The following NLGN1 variants were observed in gnomAD, a reference collection of about 807,000 sequenced individuals.
NLGN1 encodes neuroligin 1, also known as neuroligin-1.
NLGN1 carries 12 observed loss-of-function variants against 65.5 expected under a neutral mutation model. The ratio of observed to expected loss-of-function variants is 0.18; its 90% CI spans 0.12 to 0.30. The LOEUF is 0.30. Among genes scored for constraint, NLGN1 ranks in the 10% least tolerant of loss-of-function variants. The pLI is 1.00. For missense variants in NLGN1, 750 were observed against 1,007.1 expected (o/e 0.74, Z 3.46); for synonymous variants, 350 against 359.5 (o/e 0.97, Z 0.30).
In NLGN1 at chr3:173,889,766, T is replaced by C. The variant is rs151167790; in HGVS notation, c.646+81934T>C. ...GACTAGTTGTACCGGTTGAGAAAGC[T>C]GTTTAATTCAGATGCATCCAAAAAA... On this transcript the variant is annotated intron_variant, in intron 4 of 6. Coordinates refer to ENST00000457714, the Ensembl canonical transcript of NLGN1. Among the ~76,000 whole-genome samples, 46 of 150,422 alleles carry C rather than the reference T, an allele frequency of 3.1e-4. No homozygotes were observed. The East Asian group carries it at 8.7e-3, about 29-fold the overall frequency.
intron 4 of NLGN1, among the ~76,000 whole-genome samples, chr3:173,954,972 G>A (rs1461427828): frequency 6.6e-6 from 1 of 151,860 alleles, no homozygotes; most frequent in Non-Finnish European, 1.5e-5. Flanking sequence ...TTTCAGTCTA[G>A]GGCCAGGTAG....
chr3:174,099,083 T>G (rs551738328), intron 4 of NLGN1, among the ~76,000 whole-genome samples: 1 of 152,116 alleles, frequency 6.6e-6, no homozygotes, highest in Non-Finnish European at 1.5e-5. Flanking sequence ...TCTATTAAAA[T>G]CAAAACAGTC....
chr3:173,964,039 A>C (rs1463865587), intron 4 of NLGN1, among the ~76,000 whole-genome samples: 1 of 152,206 alleles, frequency 6.6e-6, no homozygotes, highest in African/African-American at 2.4e-5. Context: ...AAGTGAATGG[A>C]AAGTGTAAAA....
At chr3:173,710,035 T>G (rs2149937276) in intron 3 of NLGN1, among the ~76,000 whole-genome samples, 1 of 152,310 alleles carries the variant, frequency 6.6e-6, no homozygotes, top group South Asian at 2.1e-4. Flanking sequence ...TAATATTAGT[T>G]GTACTTTCAT....
intron 4 of NLGN1, among the ~76,000 whole-genome samples, chr3:174,110,540 A>T (rs1425586028): frequency 6.6e-6 from 1 of 152,000 alleles, no homozygotes; most frequent in Non-Finnish European, 1.5e-5. Flanking sequence ...ACATTGTAAA[A>T]ATTAATGAGT....
At chr3:173,421,212 ATAATCT>A (rs1211439059) in intron 1 of NLGN1, among the ~76,000 whole-genome samples, 2 of 152,088 alleles carry the variant, frequency 1.3e-5, no homozygotes, top group East Asian at 1.9e-4. Flanking sequence ...TTATTTTGAA[ATAATCT>A]TAAATGCCTA....
chr3:173,505,587 A>G (rs1394516600), intron 2 of NLGN1, among the ~76,000 whole-genome samples: 2 of 151,990 alleles, frequency 1.3e-5, no homozygotes, highest in Non-Finnish European at 2.9e-5. Context: ...GTTCCTTGGT[A>G]TACTTGGAAT....
At chr3:173,704,425 C>G (rs1767731982) in intron 3 of NLGN1, among the ~76,000 whole-genome samples, 1 of 151,938 alleles carries the variant, frequency 6.6e-6, no homozygotes, top group Non-Finnish European at 1.5e-5. Context: ...ATTATTGTTG[C>G]TCAGTGAGGT....
chr3:174,049,201 A>G (rs1026290998), intron 4 of NLGN1, among the ~76,000 whole-genome samples: 11 of 152,108 alleles, frequency 7.2e-5, no homozygotes, highest in Non-Finnish European at 1.2e-4. Flanking sequence ...GCTAGTAACT[A>G]TGTTGGTCAC....
chr3:173,802,875 T>A (rs1235214867), intron 3 of NLGN1, among the ~76,000 whole-genome samples: 1 of 152,044 alleles, frequency 6.6e-6, no homozygotes, highest in Non-Finnish European at 1.5e-5. Flanking sequence ...AATTTCCTTT[T>A]GTCATGGAGA....
intron 2 of NLGN1, among the ~76,000 whole-genome samples, chr3:173,449,538 T>G (rs1036226905): frequency 1.3e-5 from 2 of 152,218 alleles, no homozygotes; most frequent in African/African-American, 4.8e-5. Context: ...ATGTATATTC[T>G]GTTGATTTGG....
rs539791696 is a variant in NLGN1 at position 173,638,854 on chromosome 3, A to C, written c.493+33763A>C. On this transcript the variant is annotated intron_variant, in intron 3 of 6. Coordinates refer to ENST00000457714, the Ensembl canonical transcript of NLGN1. ...TTTCATGTATTAATTTTCATGTGCT[A>C]ATTATAGGTATTAATTGTTTCTGAG... Among the ~76,000 whole-genome samples the C allele has an allele frequency of 1.9e-4, 29 of 152,306 alleles. No homozygotes were observed. The South Asian group carries it at 5.8e-3, about 30-fold the overall frequency.
At chr3:173,751,940 A>C (rs1776360743) in intron 3 of NLGN1, among the ~76,000 whole-genome samples, 2 of 152,062 alleles carry the variant, frequency 1.3e-5, no homozygotes, top group Admixed American at 1.3e-4. Flanking sequence ...CAGAGCTGTG[A>C]TTTGAATCTT....
intron 4 of NLGN1, among the ~76,000 whole-genome samples, chr3:174,047,406 C>T (rs959249809): frequency 6.6e-5 from 10 of 151,992 alleles, no homozygotes; most frequent in Non-Finnish European, 1.3e-4. Context: ...GAGATGGTGA[C>T]TGAGAATTGG....
At position 173,773,531 on chromosome 3, in the gene NLGN1, A is replaced by G. The variant is rs193037457; in HGVS notation, c.494-34149A>G. Among the ~76,000 whole-genome samples, 429 of 152,190 alleles carry G rather than the reference A, an allele frequency of 2.8e-3. 1 individual carries two copies. The highest frequency in any genetic ancestry group is 1.0e-2 in the African/African-American group (414 of 41,530). On this transcript the variant is annotated intron_variant, in intron 3 of 6. Transcript: ENST00000457714. ...ATAGTGCCATTATTGATTTTAACTT[A>G]CCTGTTTGTAATATGTTATCATTGA...
chr3:173,623,168 G>A (rs186847722), intron 3 of NLGN1, among the ~76,000 whole-genome samples: 49 of 151,996 alleles, frequency 3.2e-4, no homozygotes, highest in Admixed American at 5.9e-4. Context: ...CATAAACCTC[G>A]GTGAAGGTTA....
chr3:174,279,776 A>T lies in NLGN1; in HGVS notation c.1649+126A>T, dbSNP rs1751246613. 1 of 608,218 alleles carries T rather than the reference A, an allele frequency of 1.6e-6. No individual in the cohort carries two copies. Among genetic ancestry groups the T allele is most frequent in the African/African-American group, 1.9e-5 (1 of 53,482 alleles). The allele number at this position is 608,218 out of a possible 1,614,324, so 37.7% of individuals were successfully genotyped here. Reference sequence around the variant, plus strand: ...TACCTGCAAGATATTACATTCCTTTATTCAAAATTAATTCTATATTATGGT... The same window carrying T: ...TACCTGCAAGATATTACATTCCTTTTTTCAAAATTAATTCTATATTATGGT... On this transcript the variant is annotated intron_variant, in intron 6 of 6. Transcript: ENST00000457714. This position sits in a 1 kb window ranked among gnomAD's most constrained non-coding sequence, Gnocchi z 4.7.
chr3:173,703,865 T>C (rs1453675965), intron 3 of NLGN1, among the ~76,000 whole-genome samples: 1 of 152,214 alleles, frequency 6.6e-6, no homozygotes, highest in Non-Finnish European at 1.5e-5. Context: ...TAATTGTTAA[T>C]GGCATGGTCT....
At chr3:173,690,846 T>A (rs1261018043) in intron 3 of NLGN1, among the ~76,000 whole-genome samples, 1 of 152,130 alleles carries the variant, frequency 6.6e-6, no homozygotes, top group Non-Finnish European at 1.5e-5. Flanking sequence ...CAAGTGTGGT[T>A]AGGGAAAGAA....
Sources: gnomAD v4.1 joint callset for allele counts (sites outside exome capture counted in the v4.1 genomes callset) on GRCh38, gnomAD v4.1.1 for gene constraint, Gnocchi (gnomAD v3.1) non-coding constraint, MANE v1.5 for transcripts, NCBI Gene and HGNC (gene_info 2026-07-23, HGNC 2026-07-21) for gene names.